SYN2: variants seen among roughly 807,000 people sequenced by gnomAD.
The protein encoded by SYN2 is synapsin-2.
Under a neutral mutation model 50.9 loss-of-function variants are expected in SYN2, and 19 were observed. The observed-to-expected ratio is 0.37, with a 90% CI of 0.26 to 0.55. SYN2 has a LOEUF of 0.55. Among genes scored for constraint, SYN2 ranks in the 20% least tolerant of loss-of-function variants. SYN2 has a pLI of 0.81. For synonymous variants in SYN2, 255 were observed against 224.9 expected (o/e 1.13, Z -1.20); for missense variants, 587 against 576.4 (o/e 1.02, Z -0.19).
At position 12,086,381 on chromosome 3, in the gene SYN2, C is replaced by T. The variant is rs144109446; in HGVS notation, c.378-54270C>T. Among the ~76,000 whole-genome samples the T allele has an allele frequency of 1.8e-3, 281 of 152,164 alleles. 5 individuals carry two copies. Among genetic ancestry groups the T allele is most frequent in the African/African-American group, 6.6e-3 (273 of 41,516 alleles). On this transcript the variant is annotated intron_variant, in intron 1 of 12. Transcript: ENST00000621198. ...ACTCGTTTTACAAGACCAGCATTAC[C>T]CTGATGCCAAATACAGACAAGGACA... is the stretch of plus-strand genomic sequence containing the variant.
chr3:12,033,857 T>G (rs1333342479), intron 1 of SYN2, among the ~76,000 whole-genome samples: 2 of 152,244 alleles, frequency 1.3e-5, no homozygotes, highest in Admixed American at 1.3e-4. Context: ...TCATTCCTTT[T>G]TATGGAATTT....
intron 1 of SYN2, among the ~76,000 whole-genome samples, chr3:12,064,444 A>G (rs915450667): frequency 6.6e-6 from 1 of 152,118 alleles, no homozygotes; most frequent in African/African-American, 2.4e-5. Context: ...TACTATAAAT[A>G]CAATGAATTC....
chr3:12,004,917 G>A lies in SYN2; in HGVS notation c.366G>A (p.Pro122=). 6 of 569,112 alleles carry A rather than the reference G, an allele frequency of 1.1e-5. No homozygotes were observed. The highest frequency in any genetic ancestry group is 4.0e-5 in the South Asian group (2 of 49,468). 35.3% of individuals were successfully genotyped at this position (569,112 alleles called of 1,614,324 possible). ...AGGTGCTGCTGGTGGTCGACGAGCC[G>A]CACGCCGACTGGTAGGTGCCGGGCG... ...KAKVLLVVDE[P]HADWAKCFRG... Residue 122 remains proline (P), a synonymous_variant, in exon 1 of 13, where the codon CCG becomes CCA. Transcript: ENST00000621198.
In SYN2 at chr3:12,153,843, C is replaced by T. The variant is rs946789130; in HGVS notation, c.774+2517C>T. 1.6e-5 allele frequency: 15 copies of T among 962,550 alleles called. No individual in the cohort carries two copies. The African/African-American group carries it at 2.3e-4, about 15-fold the overall frequency. The allele number at this position is 962,550 out of a possible 1,614,324, so 59.6% of individuals were successfully genotyped here. A position where few individuals can be genotyped will look rare whatever the true frequency, so the allele number is the denominator to read the frequency against. On this transcript the variant is annotated intron_variant, in intron 5 of 12. Coordinates refer to ENST00000621198, the MANE Select transcript of SYN2 (RefSeq NM_133625.6). ...TATCTTATCAAGCCTTTCCCAGTCC[C>T]CAGTCTTCTCCTGGATTCTCCTTCC...
At chr3:12,173,177 C>G (rs1354726604) in intron 10 of SYN2, among the ~76,000 whole-genome samples, 1 of 152,146 alleles carries the variant, frequency 6.6e-6, no homozygotes. Context: ...CAGAAGACAC[C>G]CAATAGTTGG....
rs192001440 is a variant in SYN2 at position 12,062,640 on chromosome 3, C to T, written c.377+57712C>T. 2.5e-4 allele frequency among the ~76,000 whole-genome samples: 38 copies of T among 152,004 alleles called. No homozygotes were observed. The South Asian group carries it at 5.6e-3, about 22-fold the overall frequency. The stretch of plus-strand genomic sequence containing the variant: ...GAATTGTATCCAAATATACCAATAA[C>T]TCTAAGACTCAATAAGAAGCGTAGA... On this transcript the variant is annotated intron_variant, in intron 1 of 12. Coordinates refer to ENST00000621198, the MANE Select transcript of SYN2 (RefSeq NM_133625.6).
At chr3:12,034,975 G>T (rs373827) in intron 1 of SYN2, among the ~76,000 whole-genome samples, 3 of 152,130 alleles carry the variant, frequency 2.0e-5, no homozygotes, top group Non-Finnish European at 4.4e-5. Context: ...TCAAGGCACA[G>T]TTCATCCCGA....
chr3:12,145,594 A>C, intron 3 of SYN2, 85 bp from the exon 4 acceptor site: 1 of 1,481,384 alleles, frequency 6.8e-7, no homozygotes, highest in Non-Finnish European at 9.2e-7. Flanking sequence ...CCTCTTCTTT[A>C]TCTTGGGTTT....
chr3:12,101,680 T>C (rs1696079632), intron 1 of SYN2, among the ~76,000 whole-genome samples: 1 of 152,134 alleles, frequency 6.6e-6, no homozygotes, highest in South Asian at 2.1e-4. Flanking sequence ...GGAAGAAAAG[T>C]ATAGAGATCT....
At chr3:12,082,590 GAAGT>G (rs1293941476) in intron 1 of SYN2, among the ~76,000 whole-genome samples, 3 of 152,308 alleles carry the variant, frequency 2.0e-5, no homozygotes, top group East Asian at 1.9e-4. Context: ...GCTGACTTAA[GAAGT>G]AAGTATTACC....
chr3:12,173,895 A>G (rs938098697), intron 10 of SYN2, among the ~76,000 whole-genome samples: 1 of 152,196 alleles, frequency 6.6e-6, no homozygotes, highest in Non-Finnish European at 1.5e-5. Flanking sequence ...GTGACAGAGC[A>G]GGACTGTGTC....
chr3:12,137,555 C>T (rs1233107588), intron 1 of SYN2, among the ~76,000 whole-genome samples: 1 of 152,112 alleles, frequency 6.6e-6, no homozygotes, highest in African/African-American at 2.4e-5. Flanking sequence ...AATGTGCTCA[C>T]CAATATATAA....
At chr3:12,123,050 A>G (rs1004269074) in intron 1 of SYN2, among the ~76,000 whole-genome samples, 1 of 152,230 alleles carries the variant, frequency 6.6e-6, no homozygotes, top group Non-Finnish European at 1.5e-5. Context: ...ATTACCCATG[A>G]TGCCTCTCAA....
intron 1 of SYN2, among the ~76,000 whole-genome samples, chr3:12,027,344 T>C (rs1465109135): frequency 1.3e-5 from 2 of 152,212 alleles, no homozygotes; most frequent in Admixed American, 6.5e-5. Flanking sequence ...GAGCCTGATA[T>C]AATGAGCCTG....
At chr3:12,117,947 T>A (rs1479741132) in intron 1 of SYN2, among the ~76,000 whole-genome samples, 1 of 152,148 alleles carries the variant, frequency 6.6e-6, no homozygotes, top group East Asian at 1.9e-4. Context: ...ATATGACAGT[T>A]ACAGAGATGC....
At chr3:12,102,360 C>T (rs892847294) in intron 1 of SYN2, among the ~76,000 whole-genome samples, 1 of 152,070 alleles carries the variant, frequency 6.6e-6, no homozygotes, top group Non-Finnish European at 1.5e-5. Context: ...TTGCAGGGAT[C>T]TGGAAACTCC....
chr3:12,171,158 A>G (rs1697927934), intron 10 of SYN2, among the ~76,000 whole-genome samples: 1 of 152,192 alleles, frequency 6.6e-6, no homozygotes, highest in South Asian at 2.1e-4. Context: ...TGTTTTAGTT[A>G]CTAGAGAATC....
At chr3:12,016,778 C>T (rs912654173) in intron 1 of SYN2, among the ~76,000 whole-genome samples, 5 of 152,070 alleles carry the variant, frequency 3.3e-5, no homozygotes, top group Non-Finnish European at 5.9e-5. Flanking sequence ...ATTGCTTGAA[C>T]TTGGAAGGTG....
intron 1 of SYN2, among the ~76,000 whole-genome samples, chr3:12,026,728 CTGAGCCACTTTGTAAAGA>C (rs918337662): frequency 2.6e-5 from 4 of 152,202 alleles, no homozygotes; most frequent in African/African-American, 9.7e-5. Flanking sequence ...GGGAGGATCA[CTGAGCCACTTTGTAAAGA>C]GACTTGAATA....
Sources: allele counts gnomAD v4.1 joint callset (sites outside exome capture counted in the v4.1 genomes callset), GRCh38; gene constraint gnomAD v4.1.1; transcripts MANE v1.5; gene names NCBI Gene and HGNC (gene_info 2026-07-23, HGNC 2026-07-21).